Variants in DPP10 observed in about 807,000 individuals in gnomAD.
The protein encoded by DPP10 is dipeptidyl peptidase like 10.
In DPP10, 33 loss-of-function variants were observed where a neutral mutation model predicts 120.9. That is an observed-to-expected ratio of 0.27 (90% CI 0.21 to 0.37). DPP10 has a LOEUF of 0.37. DPP10 is among the 10% of genes least tolerant of loss of function. The pLI, the probability that DPP10 is intolerant of heterozygous loss-of-function variation, is 1.00. For missense variants in DPP10, 816 were observed against 942.8 expected (o/e 0.87, Z 1.76); for synonymous variants, 337 against 326.1 (o/e 1.03, Z -0.36).
intron 1 of DPP10, among the ~76,000 whole-genome samples, chr2:115,085,925 C>T (rs1157931085): frequency 6.6e-6 from 1 of 152,156 alleles, no homozygotes; most frequent in African/African-American, 2.4e-5. Flanking sequence ...GGGAGTCATG[C>T]CCTGCAAACC....
chr2:115,752,030 C>A (rs574822543), intron 10 of DPP10, among the ~76,000 whole-genome samples: 2 of 152,134 alleles, frequency 1.3e-5, no homozygotes, highest in African/African-American at 4.8e-5. Flanking sequence ...CATCTGCTGA[C>A]GTCGTGATCC....
chr2:115,360,583 TG>T (rs70941047), intron 3 of DPP10, among the ~76,000 whole-genome samples: 4,134 of 152,198 alleles, frequency 0.027, 73 homozygotes, highest in South Asian at 0.06. Context: ...TTGGAGGAGT[TG>T]GGGGGAATCA....
chr2:115,525,685 C>A (rs557231847), intron 4 of DPP10, among the ~76,000 whole-genome samples: 3 of 151,766 alleles, frequency 2.0e-5, no homozygotes, highest in Non-Finnish European at 4.4e-5. Context: ...TATTAGCAAA[C>A]CTGTTCTTAC....
chr2:115,208,032 T>C (rs1446922461), intron 1 of DPP10, among the ~76,000 whole-genome samples: 1 of 152,186 alleles, frequency 6.6e-6, no homozygotes, highest in African/African-American at 2.4e-5. Context: ...GATAGCATTT[T>C]AGAGCTGGAA....
At chr2:115,835,482 A>T (rs1463993718) in intron 21 of DPP10, among the ~76,000 whole-genome samples, 2 of 152,206 alleles carry the variant, frequency 1.3e-5, no homozygotes, top group Non-Finnish European at 2.9e-5. Context: ...CCTTGAAAAC[A>T]TCTATACATT....
intron 17 of DPP10, among the ~76,000 whole-genome samples, chr2:115,786,698 C>T (rs1683385245): frequency 6.6e-6 from 1 of 152,052 alleles, no homozygotes; most frequent in South Asian, 2.1e-4. Context: ...ATAAGCTAAT[C>T]ATAATACAAT....
intron 3 of DPP10, among the ~76,000 whole-genome samples, chr2:115,377,752 G>C (rs1268239957): frequency 1.3e-5 from 2 of 151,868 alleles, no homozygotes; most frequent in Non-Finnish European, 2.9e-5. Flanking sequence ...AAGGGATCCA[G>C]TTTCAGCTTT....
chr2:114,982,917 A>G (rs1363414214), intron 1 of DPP10, among the ~76,000 whole-genome samples: 1 of 152,040 alleles, frequency 6.6e-6, no homozygotes, highest in Non-Finnish European at 1.5e-5. Context: ...AATTTTGCAA[A>G]TTGAACTTTC....
intron 5 of DPP10, among the ~76,000 whole-genome samples, chr2:115,595,539 C>G (rs993031233): frequency 8.5e-5 from 13 of 152,086 alleles, no homozygotes; most frequent in African/African-American, 3.1e-4. Flanking sequence ...GATTCTGGCC[C>G]TGTGTCAGTG....
At chr2:114,522,955 G>C (rs1294444412) in intron 1 of DPP10, among the ~76,000 whole-genome samples, 1 of 152,178 alleles carries the variant, frequency 6.6e-6, no homozygotes, top group Non-Finnish European at 1.5e-5. Context: ...CTCCCGCTGA[G>C]TTCCTCCTAC....
chr2:114,996,106 G>A (rs191381799), intron 1 of DPP10, among the ~76,000 whole-genome samples: 7 of 152,290 alleles, frequency 4.6e-5, no homozygotes, highest in African/African-American at 4.8e-5. Context: ...TAAGCTGCTA[G>A]TCCAAAAGTA....
intron 1 of DPP10, among the ~76,000 whole-genome samples, chr2:115,153,019 C>A (rs535038809): frequency 6.6e-6 from 1 of 152,172 alleles, no homozygotes; most frequent in East Asian, 1.9e-4. Flanking sequence ...GGATGCCTAC[C>A]CACACAGTAG....
chr2:115,616,916 G>A (rs971909085), intron 5 of DPP10, among the ~76,000 whole-genome samples: 3 of 152,022 alleles, frequency 2.0e-5, no homozygotes, highest in African/African-American at 7.2e-5. Context: ...GGAAACCACC[G>A]TTGAAAGCTT....
At chr2:115,376,820 C>G (rs981664143) in intron 3 of DPP10, among the ~76,000 whole-genome samples, 84 of 149,536 alleles carry the variant, frequency 5.6e-4, no homozygotes, top group East Asian at 1.2e-3. Context: ...TTTGTTCTTG[C>G]GATAGTTTAC....
At chr2:114,485,474 T>A (rs1384641059) in intron 1 of DPP10, among the ~76,000 whole-genome samples, 1 of 151,578 alleles carries the variant, frequency 6.6e-6, no homozygotes, top group Non-Finnish European at 1.5e-5. Context: ...TTTTTTTTTT[T>A]TTGCGGGGAG....
At chr2:115,402,852 A>T (rs866607119) in intron 3 of DPP10, among the ~76,000 whole-genome samples, 1,502 of 56,774 alleles carry the variant, frequency 0.026, 36 homozygotes, top group African/African-American at 0.07. Context: ...GAAAAAAAAA[A>T]AAATATATAT....
At chr2:114,532,511 A>T (rs980560294) in intron 1 of DPP10, among the ~76,000 whole-genome samples, 1 of 151,824 alleles carries the variant, frequency 6.6e-6, no homozygotes, top group Admixed American at 6.6e-5. Flanking sequence ...GAATTAGAAT[A>T]TGGCCAGTGT....
intron 3 of DPP10, among the ~76,000 whole-genome samples, chr2:115,363,810 C>G (rs1441572269): frequency 6.6e-6 from 1 of 152,176 alleles, no homozygotes; most frequent in Non-Finnish European, 1.5e-5. Flanking sequence ...GTCAAAGCAC[C>G]TGAGTGATAA....
At chr2:115,446,571 AG>A (rs35005478) in intron 3 of DPP10, among the ~76,000 whole-genome samples, 125,857 of 152,106 alleles carry the variant, frequency 0.83, 55,127 homozygotes, top group Non-Finnish European at 0.97. Flanking sequence ...TTAAGGATTC[AG>A]GGTGGGAAAG....
Sources: allele counts gnomAD v4.1 joint callset (sites outside exome capture counted in the v4.1 genomes callset), GRCh38; gene constraint gnomAD v4.1.1; transcripts MANE v1.5; gene names NCBI Gene and HGNC (gene_info 2026-07-23, HGNC 2026-07-21).